SIDT1: variants seen among roughly 807,000 people sequenced by gnomAD.
The protein encoded by SIDT1 is SID1 transmembrane family member 1, also known as SID1 transmembrane family, member 1.
Under a neutral mutation model 107.5 loss-of-function variants are expected in SIDT1, and 101 were observed. That is an observed-to-expected ratio of 0.94 (90% confidence interval 0.80 to 1.11). The LOEUF is 1.11. Ranked by LOEUF, SIDT1 falls within the 50% of genes least tolerant of loss-of-function variation. The pLI, the probability that SIDT1 is intolerant of heterozygous loss-of-function variation, is 0.00. For missense variants in SIDT1, 1,076 were observed against 1,058.2 expected, an observed-to-expected ratio of 1.02 and a Z score of -0.23; for synonymous variants, 395 against 398.2, an observed-to-expected ratio of 0.99 and a Z score of 0.10.
intron 21 of SIDT1, chr3:113,619,935 T>C (rs6795099): frequency 0.35 from 175,623 of 495,804 alleles, 31,988 homozygotes; most frequent in African/African-American, 0.41. Context: ...AGTTCATTTG[T>C]TCAACAAGAC....
chr3:113,585,504 A>G (rs1943678704), intron 9 of SIDT1, among the ~76,000 whole-genome samples: 1 of 152,178 alleles, frequency 6.6e-6, no homozygotes, highest in Admixed American at 6.5e-5. Context: ...CAGCTTTTAT[A>G]TCAATAACAC....
chr3:113,560,507 A>T (rs926199487), intron 1 of SIDT1, among the ~76,000 whole-genome samples: 8 of 152,224 alleles, frequency 5.3e-5, no homozygotes, highest in African/African-American at 1.9e-4. Flanking sequence ...AGCATGGGAA[A>T]GATGGGAGGG....
At chr3:113,578,281 C>G (rs867288843) in intron 4 of SIDT1, among the ~76,000 whole-genome samples, 1 of 151,802 alleles carries the variant, frequency 6.6e-6, no homozygotes, top group Admixed American at 6.6e-5. Context: ...CTGGCTAACA[C>G]GGTGAAACGT....
chr3:113,605,970 A>G (rs144715922), intron 14 of SIDT1, among the ~76,000 whole-genome samples: 2 of 151,630 alleles, frequency 1.3e-5, no homozygotes, highest in East Asian at 3.9e-4. Context: ...GAGCCACTGC[A>G]CTCCAGCCTG....
chr3:113,567,810 AT>A (rs1333320125), intron 3 of SIDT1, 100 bp downstream of exon 3: 9 of 1,235,934 alleles, frequency 7.3e-6, no homozygotes, highest in Admixed American at 6.1e-5. Flanking sequence ...GAAGGAAATT[AT>A]CCACTTAGCA....
chr3:113,579,524 C>T (rs1943168507), intron 4 of SIDT1, among the ~76,000 whole-genome samples: 1 of 151,946 alleles, frequency 6.6e-6, no homozygotes. Flanking sequence ...GGGGGTATTG[C>T]CATCTGTTAT....
chr3:113,565,571 C>G (rs1192580449), intron 1 of SIDT1, among the ~76,000 whole-genome samples: 4 of 152,136 alleles, frequency 2.6e-5, no homozygotes, highest in Non-Finnish European at 5.9e-5. Context: ...CCAACACTAT[C>G]TAAATCCAAA....
At chr3:113,622,483 A>C (rs1035673552) in intron 21 of SIDT1, among the ~76,000 whole-genome samples, 3 of 150,278 alleles carry the variant, frequency 2.0e-5, no homozygotes, top group South Asian at 2.1e-4. Flanking sequence ...AAAAAAAAAA[A>C]AAAAAACTAT....
chr3:113,548,979 G>T (rs1285909929), intron 1 of SIDT1, among the ~76,000 whole-genome samples: 1 of 152,142 alleles, frequency 6.6e-6, no homozygotes, highest in East Asian at 1.9e-4. Flanking sequence ...ACCCTAAGAA[G>T]GCAGAAGTTG....
intron 1 of SIDT1, among the ~76,000 whole-genome samples, chr3:113,561,107 C>T (rs558888962): frequency 8.5e-5 from 13 of 152,128 alleles, no homozygotes; most frequent in Non-Finnish European, 1.9e-4. Context: ...GTGTCAGGGC[C>T]CATTAAGCAT....
intron 10 of SIDT1, among the ~76,000 whole-genome samples, chr3:113,597,560 A>G (rs1208519907): frequency 6.6e-6 from 1 of 151,484 alleles, no homozygotes; most frequent in Non-Finnish European, 1.5e-5. Flanking sequence ...CTCCCTCTTC[A>G]GCTTCCAACC....
At chr3:113,541,602 A>G (rs969334940) in intron 1 of SIDT1, among the ~76,000 whole-genome samples, 2 of 152,232 alleles carry the variant, frequency 1.3e-5, no homozygotes, top group South Asian at 2.1e-4. Context: ...AAAGTAATAG[A>G]AAAACCCACA....
At chr3:113,575,518 C>T (rs1292461838) in intron 3 of SIDT1, among the ~76,000 whole-genome samples, 5 of 152,148 alleles carry the variant, frequency 3.3e-5, no homozygotes, top group East Asian at 3.8e-4. Context: ...CTTCTTTAGG[C>T]GACTTAAGGA....
rs189928949 is a variant in SIDT1, at chr3:113,628,469, C to T, written c.*761C>T. The stretch of plus-strand genomic sequence containing the variant: ...CTGCCTTCTTGGAAAGGCCCTGTCA[C>T]TCCACAGATGTCTGGCCAGCTTCAA... On this transcript the variant is annotated 3_prime_UTR_variant, in exon 25 of 25. Coordinates refer to ENST00000264852, the MANE Select transcript of SIDT1 (RefSeq NM_017699.3). 4 of 153,046 alleles carry T rather than the reference C, an allele frequency of 2.6e-5. No homozygotes were observed. The highest frequency in any genetic ancestry group is 2.6e-4 in the Admixed American group (4 of 15,308). 9.5% of individuals were successfully genotyped at this position (153,046 alleles called of 1,614,324 possible).
chr3:113,584,992 C>T (rs754881467), intron 8 of SIDT1, among the ~76,000 whole-genome samples, 185 bp from the exon 9 acceptor site: 3 of 152,156 alleles, frequency 2.0e-5, no homozygotes, highest in Non-Finnish European at 4.4e-5. Context: ...GGGAAGTCAT[C>T]ATTGTGAAAG....
chr3:113,606,336 G>A (rs560625437), intron 14 of SIDT1: 4 of 152,322 alleles, frequency 2.6e-5, no homozygotes, highest in African/African-American at 9.6e-5. Flanking sequence ...GTCCCAATTA[G>A]ATCAGAGTCC....
intron 5 of SIDT1, among the ~76,000 whole-genome samples, chr3:113,581,055 A>G (rs1459834971): frequency 6.6e-6 from 1 of 152,140 alleles, no homozygotes; most frequent in African/African-American, 2.4e-5. Flanking sequence ...TTAAATTTTT[A>G]TTGTAACATT....
chr3:113,585,987 G>A (rs989886570), intron 9 of SIDT1, among the ~76,000 whole-genome samples: 9 of 152,092 alleles, frequency 5.9e-5, no homozygotes, highest in African/African-American at 9.7e-5. Flanking sequence ...ATAAACAAAT[G>A]TTCTTTCTCT....
intron 1 of SIDT1, among the ~76,000 whole-genome samples, chr3:113,564,098 G>A (rs781166410): frequency 1.3e-5 from 2 of 152,108 alleles, no homozygotes; most frequent in Non-Finnish European, 2.9e-5. Context: ...ACGGGCATGC[G>A]CCACCACGCC....
Sources: gnomAD v4.1 joint callset for allele counts (sites outside exome capture counted in the v4.1 genomes callset) on GRCh38, gnomAD v4.1.1 for gene constraint, MANE v1.5 for transcripts, NCBI Gene and HGNC (gene_info 2026-07-23, HGNC 2026-07-21) for gene names.